C8orf34: variants seen among roughly 807,000 people sequenced by gnomAD.
C8orf34 encodes the protein uncharacterized protein C8orf34.
C8orf34 carries 65 observed loss-of-function variants against 68.3 expected under a neutral mutation model. That is an observed-to-expected ratio of 0.95 (90% CI 0.78 to 1.17). The LOEUF is 1.17. Ranked by LOEUF, C8orf34 falls within the 50% of genes most tolerant of loss-of-function variation. C8orf34 has a pLI of 0.00. For synonymous variants in C8orf34, 244 were observed against 241.2 expected, an observed-to-expected ratio of 1.01 and a Z score of -0.11; for missense variants, 664 against 655.4, an observed-to-expected ratio of 1.01 and a Z score of -0.14.
intron 7 of C8orf34, among the ~76,000 whole-genome samples, chr8:68,636,533 C>T (rs915994394): frequency 4.3e-4 from 66 of 152,028 alleles, no homozygotes; most frequent in Admixed American, 2.2e-3. Flanking sequence ...TGCAGTGAGC[C>T]GAGATCGCAC....
intron 8 of C8orf34, among the ~76,000 whole-genome samples, chr8:68,684,385 A>C (rs896715590): frequency 6.6e-6 from 1 of 152,152 alleles, no homozygotes; most frequent in Non-Finnish European, 1.5e-5. Flanking sequence ...AAGTATTAGG[A>C]TTTAGGAGCC....
chr8:68,362,625 C>T (rs1002276808), intron 1 of C8orf34, among the ~76,000 whole-genome samples: 2 of 152,228 alleles, frequency 1.3e-5, no homozygotes, highest in Non-Finnish European at 2.9e-5. Flanking sequence ...CACCCCCCAG[C>T]AGGGGCACAC....
rs973085720 is a variant in C8orf34 at position 68,539,898 on chromosome 8, C to T, written c.1105+6749C>T. On this transcript the variant is annotated intron_variant, in intron 7 of 13. Coordinates refer to ENST00000518698, the MANE Select transcript of C8orf34 (RefSeq NM_052958.4). ...AAGTTTAATACTAAATACATGTTAA[C>T]GGAAGAGTGGGCACAAAACTTGTCA... is the stretch of plus-strand genomic sequence containing the variant. 2.1e-4 allele frequency among the ~76,000 whole-genome samples: 32 copies of T among 151,336 alleles called. 1 individual carries two copies. Among genetic ancestry groups the T allele is most frequent in the African/African-American group, 6.1e-4 (25 of 41,084 alleles).
intron 7 of C8orf34, among the ~76,000 whole-genome samples, chr8:68,574,441 G>A (rs936686535): frequency 3.3e-5 from 5 of 151,944 alleles, no homozygotes; most frequent in Non-Finnish European, 5.9e-5. Context: ...CATAAGATTA[G>A]TATCTTGAAA....
intron 10 of C8orf34, among the ~76,000 whole-genome samples, chr8:68,729,729 G>A (rs1035353251): frequency 1.3e-5 from 2 of 152,070 alleles, no homozygotes; most frequent in Non-Finnish European, 2.9e-5. Flanking sequence ...CATGGGTGAG[G>A]AATAGTTCTT....
At chr8:68,430,151 CTG>C (rs1323653084) in intron 1 of C8orf34, among the ~76,000 whole-genome samples, 1 of 152,006 alleles carries the variant, frequency 6.6e-6, no homozygotes, top group Admixed American at 6.6e-5. Flanking sequence ...TCAATCATGA[CTG>C]TGTAATGAAA....
chr8:68,631,525 A>C (rs1433743675), intron 7 of C8orf34, among the ~76,000 whole-genome samples: 1 of 152,186 alleles, frequency 6.6e-6, no homozygotes, highest in Non-Finnish European at 1.5e-5. Flanking sequence ...ACTCTGTTTT[A>C]ATATTCCATT....
At chr8:68,796,372 A>G (rs1824177273) in intron 12 of C8orf34, among the ~76,000 whole-genome samples, 1 of 152,148 alleles carries the variant, frequency 6.6e-6, no homozygotes, top group African/African-American at 2.4e-5. Context: ...CTCTACTCCT[A>G]TAGTCCTTGA....
At chr8:68,592,789 A>G (rs1169035144) in intron 7 of C8orf34, among the ~76,000 whole-genome samples, 1 of 151,844 alleles carries the variant, frequency 6.6e-6, no homozygotes, top group Non-Finnish European at 1.5e-5. Context: ...TTGTATTTTC[A>G]GTAGAGATGG....
intron 8 of C8orf34, among the ~76,000 whole-genome samples, chr8:68,650,905 C>T (rs1819339414): frequency 6.6e-6 from 1 of 152,200 alleles, no homozygotes; most frequent in South Asian, 2.1e-4. Context: ...CCAGGTAGCC[C>T]TGTTCTATTG....
chr8:68,467,970 T>C (rs1812222379), intron 3 of C8orf34, among the ~76,000 whole-genome samples: 1 of 152,014 alleles, frequency 6.6e-6, no homozygotes, highest in South Asian at 2.1e-4. Flanking sequence ...TAATGGGCCC[T>C]TTAAATCTGA....
At chr8:68,439,857 C>A (rs72664947) in intron 2 of C8orf34, among the ~76,000 whole-genome samples, 1 of 152,228 alleles carries the variant, frequency 6.6e-6, no homozygotes, top group Non-Finnish European at 1.5e-5. Context: ...CAAGAATCAG[C>A]ATTTTGCATT....
chr8:68,743,803 G>A (rs1055728425), intron 10 of C8orf34, among the ~76,000 whole-genome samples: 3 of 152,196 alleles, frequency 2.0e-5, no homozygotes, highest in Admixed American at 6.5e-5. Context: ...AGCAAGGCTG[G>A]GGGAGGGGCG....
intron 7 of C8orf34, among the ~76,000 whole-genome samples, chr8:68,632,027 A>C (rs1296828294): frequency 1.3e-5 from 2 of 152,198 alleles, no homozygotes; most frequent in African/African-American, 4.8e-5. Flanking sequence ...GCAATTTTGG[A>C]ACTGGGTAAT....
rs1806095795 is a variant in C8orf34, at chr8:68,342,113, CAG to C, written c.327+10776_327+10777del. On this transcript the variant is annotated intron_variant, in intron 1 of 13. Transcript: ENST00000518698. The stretch of plus-strand genomic sequence containing the variant: ...CAAAAATGATAAGTATGTGAGGTAA[CAG>C]ATATGTTAATCAGCATGATTTTGTC... Among the ~76,000 whole-genome samples, 3 of 152,180 alleles carry C rather than the reference CAG, an allele frequency of 2.0e-5. No individual in the cohort carries two copies. In the South Asian group the frequency reaches 6.2e-4, roughly 32 times the overall value.
intron 7 of C8orf34, among the ~76,000 whole-genome samples, chr8:68,559,338 G>A (rs1392146258): frequency 1.3e-5 from 2 of 151,972 alleles, no homozygotes; most frequent in East Asian, 3.9e-4. Context: ...TCAGCTTTGG[G>A]ATAAGAAACG....
At chr8:68,766,042 A>C (rs937430773) in intron 10 of C8orf34, among the ~76,000 whole-genome samples, 3 of 152,254 alleles carry the variant, frequency 2.0e-5, no homozygotes, top group Non-Finnish European at 4.4e-5. Flanking sequence ...GACACATCTT[A>C]AAAGAAACAA....
At chr8:68,651,276 C>A (rs959089479) in intron 8 of C8orf34, among the ~76,000 whole-genome samples, 2 of 152,160 alleles carry the variant, frequency 1.3e-5, no homozygotes, top group African/African-American at 4.8e-5. Context: ...CTAGTCACAG[C>A]AGCCGGCTCA....
intron 8 of C8orf34, among the ~76,000 whole-genome samples, chr8:68,647,522 A>C (rs975024450): frequency 1.3e-5 from 2 of 152,192 alleles, no homozygotes; most frequent in African/African-American, 2.4e-5. Flanking sequence ...CCTGACTGGA[A>C]GATGTGATCA....
Sources: allele counts gnomAD v4.1 joint callset (sites outside exome capture counted in the v4.1 genomes callset), GRCh38; gene constraint gnomAD v4.1.1; transcripts MANE v1.5; gene names NCBI Gene and HGNC (gene_info 2026-07-23, HGNC 2026-07-21).